The following DYNC2H1 variants were observed in gnomAD, a reference collection of about 807,000 sequenced individuals.
DYNC2H1 encodes the protein dynein cytoplasmic 2 heavy chain 1, also known as cytoplasmic dynein 2 heavy chain 1.
A neutral mutation model predicts 570.0 loss-of-function variants in DYNC2H1; 410 were observed. The ratio of observed to expected loss-of-function variants is 0.72; its 90% CI spans 0.66 to 0.78. The LOEUF (loss-of-function observed/expected upper bound fraction) is 0.78. DYNC2H1 is among the 30% of genes least tolerant of loss of function. DYNC2H1 has a pLI of 0.00. For missense variants in DYNC2H1, 4,865 were observed against 5,046.4 expected, an observed-to-expected ratio of 0.96 and a Z score of 1.09; for synonymous variants, 1,688 against 1,677.6, an observed-to-expected ratio of 1.01 and a Z score of -0.15.
rs373948220 is a variant in DYNC2H1 at position 103,464,942 on chromosome 11, AAT to A, written c.12649-3644_12649-3643del. Among the ~76,000 whole-genome samples the A allele has an allele frequency of 5.5e-4, 84 of 152,314 alleles. 1 individual carries two copies. Among genetic ancestry groups the A allele is most frequent in the African/African-American group, 1.2e-3 (48 of 41,566 alleles). On this transcript the variant is annotated intron_variant, in intron 87 of 88. Coordinates refer to ENST00000375735, the MANE Select transcript of DYNC2H1 (RefSeq NM_001377.3). ...TAAGTAGCTTAAATATTGACTGTAA[AAT>A]ATGTTATGCTTAAGCTGAAAATCTA...
chr11:103,298,214 GT>G lies in DYNC2H1; in HGVS notation c.11096-4871del, dbSNP rs150520776. On this transcript the variant is annotated intron_variant, in intron 75 of 88. Coordinates refer to ENST00000375735, the MANE Select transcript of DYNC2H1 (RefSeq NM_001377.3). Reference sequence around the variant, plus strand: ...TTACCAACGTAATAGTCTTTTTCTTGTTTTTTTTACTGCTCTAAGTATGTTT... The same window carrying G: ...TTACCAACGTAATAGTCTTTTTCTTGTTTTTTTACTGCTCTAAGTATGTTT... 4.0e-5 allele frequency among the ~76,000 whole-genome samples: 6 copies of G among 151,634 alleles called. No homozygotes were observed. In the East Asian group the frequency reaches 1.2e-3, roughly 29 times the overall value.
rs1861523507 is a variant in DYNC2H1 at position 103,170,480 on chromosome 11, T to C, written c.5151+190T>C. 6.6e-6 allele frequency among the ~76,000 whole-genome samples: 1 copy of C among 152,184 alleles called. No individual in the cohort carries two copies. Among genetic ancestry groups the C allele is most frequent in the Non-Finnish European group, 1.5e-5 (1 of 68,014 alleles). ...TAGTCCAAAACTTTTCTAAGAATTATGGCAAAGAAATAATTTTAAATACAG... is the reference window on the plus strand; with the variant it reads ...TAGTCCAAAACTTTTCTAAGAATTACGGCAAAGAAATAATTTTAAATACAG... On this transcript the variant is annotated intron_variant, in intron 33 of 88. Transcript: ENST00000375735. This position sits in a 1 kb window ranked among gnomAD's most constrained non-coding sequence, Gnocchi z 4.8.
chr11:103,192,097 G>T lies in DYNC2H1; in HGVS notation c.7541G>T (p.Gly2514Val). The T allele has an allele frequency of 6.8e-7, 1 of 1,474,936 alleles. No homozygotes were observed. Among genetic ancestry groups the T allele is most frequent in the Non-Finnish European group, 9.1e-7 (1 of 1,101,928 alleles). 91.4% of individuals were successfully genotyped at this position (1,474,936 alleles called of 1,614,324 possible). The change falls in exon 47 of 89, where the codon GGA (glycine) becomes GTA (valine). Residue 2514 changes from glycine to valine, a missense_variant and splice_region_variant. Gly to Val is a moderately radical substitution (Grantham distance 109, BLOSUM62 -3). Around this residue, in one of 5 missense-constraint regions of DYNC2H1, gnomAD observed 2,401 missense variants for 2,454.6 expected, o/e 0.98. Transcript: ENST00000375735. ...TTAAATAAAATTTTGCCTTTTCTAG[G>T]ATCCTCAAACCATCCACTAGATTAT... ...LGLFRYDLEG[G>V]SSNHPLDYVL...
In DYNC2H1 at chr11:103,151,439, G is replaced by T. The variant is rs1193503450; in HGVS notation, c.2947-697G>T. Among the ~76,000 whole-genome samples the T allele has an allele frequency of 6.6e-6, 1 of 152,094 alleles. No individual in the cohort carries two copies. The highest frequency in any genetic ancestry group is 1.5e-5 in the Non-Finnish European group (1 of 68,018). Reference sequence around the variant, plus strand: ...GTCTGTTTTATTATATATGCATACTGATATTTAAAAATGTTTAAATGGATT... The same window carrying T: ...GTCTGTTTTATTATATATGCATACTTATATTTAAAAATGTTTAAATGGATT... On this transcript the variant is annotated intron_variant, in intron 20 of 88. Coordinates refer to ENST00000375735, the MANE Select transcript of DYNC2H1 (RefSeq NM_001377.3). The surrounding 1 kb of genome is among the most constrained non-coding windows in gnomAD (Gnocchi z 4.6).
chr11:103,319,853 A>T lies in DYNC2H1; in HGVS notation c.11726-1176A>T, dbSNP rs1938072443. Among the ~76,000 whole-genome samples, 1 of 152,150 alleles carries T rather than the reference A, an allele frequency of 6.6e-6. No homozygotes were observed. Among genetic ancestry groups the T allele is most frequent in the African/African-American group, 2.4e-5 (1 of 41,440 alleles). ...TTTAGTGAGTATCAGGACAACTAGA[A>T]ATTTGAGTCCTGGTGAAGTCCTTTG... On this transcript the variant is annotated intron_variant, in intron 80 of 88. Transcript: ENST00000375735. The surrounding 1 kb of genome is among the most constrained non-coding windows in gnomAD (Gnocchi z 4.3).
chr11:103,421,154 G>C (rs1040639406), intron 84 of DYNC2H1, among the ~76,000 whole-genome samples: 1 of 151,720 alleles, frequency 6.6e-6, no homozygotes, highest in African/African-American at 2.4e-5. Context: ...AATGGTAAAG[G>C]GCTCAATTCA....
At position 103,147,790 on chromosome 11, in the gene DYNC2H1, T is replaced by C; in HGVS notation, c.2721T>C (p.Cys907=). The C allele has an allele frequency of 1.2e-6, 2 of 1,608,512 alleles. No homozygotes were observed. The highest frequency in any genetic ancestry group is 2.2e-5 in the South Asian group (2 of 89,664). Residue 907 remains cysteine (C), a synonymous_variant, in exon 19 of 89, where the codon TGT becomes TGC. Transcript: ENST00000375735. ...TTTTCAGTGCTGTCAAGGTAGATTGTTTAAATATTAATTGCAACCCTGTGA... is the reference window on the plus strand; with the variant it reads ...TTTTCAGTGCTGTCAAGGTAGATTGCTTAAATATTAATTGCAACCCTGTGA... ...ERLPSAVKVD[C]LNINCNPVKT...
In DYNC2H1 at chr11:103,215,747, T is replaced by C; in HGVS notation, c.8721T>C (p.Ala2907=). ...LQAGVSKLNE[A]KALVDELNRK... is the part of the protein sequence containing the mutation. The stretch of plus-strand genomic sequence containing the variant: ...CTGGTGTATCTAAACTAAATGAAGC[T>C]AAAGCTCTTGTGGATGAACTGAACA... The change falls in exon 55 of 89, where the codon GCT becomes GCC. Residue 2907 remains alanine (A), a synonymous_variant. Transcript: ENST00000375735. 2.5e-6 allele frequency: 4 copies of C among 1,610,648 alleles called. No individual in the cohort carries two copies. The highest frequency in any genetic ancestry group is 3.4e-6 in the Non-Finnish European group (4 of 1,178,230).
chr11:103,168,531 C>T (rs1317351834), intron 31 of DYNC2H1, among the ~76,000 whole-genome samples: 10 of 152,210 alleles, frequency 6.6e-5, no homozygotes, highest in Admixed American at 5.9e-4. Flanking sequence ...ACTCTTTTCT[C>T]TTGGAATTTT....
At position 103,256,121 on chromosome 11, in the gene DYNC2H1, C is replaced by T. The variant is rs1865048329; in HGVS notation, c.10342C>T (p.Gln3448Ter). 1 of 1,604,306 alleles carries T rather than the reference C, an allele frequency of 6.2e-7. No individual in the cohort carries two copies. Among genetic ancestry groups the T allele is most frequent in the Admixed American group, 1.7e-5 (1 of 59,034 alleles). ...TTCCCTACAGACACTTGCCACATCTCAAGGCAATATTTTGGAAAATAAGGA... is the reference window on the plus strand; with the variant it reads ...TTCCCTACAGACACTTGCCACATCTTAAGGCAATATTTTGGAAAATAAGGA... ...ESLLETLATS[Q>*]GNILENKDLI... Residue 3448 changes from glutamine to a stop codon, truncating the protein, a stop_gained, in exon 68 of 89, where the codon CAA becomes TAA. Coordinates refer to ENST00000375735, the MANE Select transcript of DYNC2H1 (RefSeq NM_001377.3). LOFTEE classifies it high-confidence loss of function. The surrounding 1 kb of genome is among the most constrained non-coding windows in gnomAD (Gnocchi z 4.0).
intron 80 of DYNC2H1, among the ~76,000 whole-genome samples, chr11:103,318,770 G>A (rs866304746): frequency 6.6e-6 from 1 of 152,020 alleles, no homozygotes; most frequent in East Asian, 1.9e-4. Flanking sequence ...ACACATAAAT[G>A]TACAATTCAA....
chr11:103,204,982 T>A lies in DYNC2H1; in HGVS notation c.8454+18T>A. The stretch of plus-strand genomic sequence containing the variant: ...TGAAGAAAGTAAGTTTAACAAATAT[T>A]AAAAAATTTAAAAGCACATTTTATT... On this transcript the variant is annotated intron_variant, in intron 52 of 88. Transcript: ENST00000375735. The surrounding 1 kb of genome is among the most constrained non-coding windows in gnomAD (Gnocchi z 4.1). 1.3e-6 allele frequency: 2 copies of A among 1,537,092 alleles called. No homozygotes were observed. The highest frequency in any genetic ancestry group is 1.8e-6 in the Non-Finnish European group (2 of 1,142,642).
chr11:103,115,403 A>C (rs190830113), intron 4 of DYNC2H1, 108 bp downstream of exon 4: 3 of 650,588 alleles, frequency 4.6e-6, no homozygotes, highest in Admixed American at 6.6e-5. Flanking sequence ...GATTGTGAAC[A>C]AAATAGATTC....
intron 83 of DYNC2H1, among the ~76,000 whole-genome samples, chr11:103,388,412 A>G (rs1477816753): frequency 2.6e-5 from 4 of 152,200 alleles, no homozygotes; most frequent in East Asian, 3.9e-4. Flanking sequence ...GGCTGAGACA[A>G]TGAGGTTTTC....
At chr11:103,428,600 GA>G (rs1943767108) in intron 84 of DYNC2H1, among the ~76,000 whole-genome samples, 2 of 152,038 alleles carry the variant, frequency 1.3e-5, no homozygotes, top group Non-Finnish European at 2.9e-5. Context: ...TCTTCATCTT[GA>G]AAAACTGAAA....
rs895110804 is a variant in DYNC2H1 at position 103,177,442 on chromosome 11, C to T, written c.5875-114C>T. 7.5e-5 allele frequency: 78 copies of T among 1,041,840 alleles called. No individual in the cohort carries two copies. Among genetic ancestry groups the T allele is most frequent in the Non-Finnish European group, 1.0e-4 (76 of 742,778 alleles). The allele number at this position is 1,041,840 out of a possible 1,614,324, so 64.5% of individuals were successfully genotyped here. ...ATTACATTTTAGGCAATACCTTCCA[C>T]TGAAGAAATCAAAGGCTTAATTTAC... On this transcript the variant is annotated intron_variant, in intron 37 of 88. Coordinates refer to ENST00000375735, the MANE Select transcript of DYNC2H1 (RefSeq NM_001377.3). The surrounding 1 kb of genome is among the most constrained non-coding windows in gnomAD (Gnocchi z 4.4).
At chr11:103,257,556 A>C (rs924254634) in intron 68 of DYNC2H1, 52 bp from the exon 69 acceptor site, 3 of 1,522,436 alleles carry the variant, frequency 2.0e-6, no homozygotes, top group Non-Finnish European at 2.7e-6. Flanking sequence ...GCAGTAAAGC[A>C]CTAATTCTAA....
At chr11:103,285,085 GAAAA>G (rs1565462623) in intron 73 of DYNC2H1, among the ~76,000 whole-genome samples, 1 of 152,176 alleles carries the variant, frequency 6.6e-6, no homozygotes, top group Non-Finnish European at 1.5e-5. Context: ...ATAGGGTTTA[GAAAA>G]ACATTCTTTG....
At chr11:103,303,397 T>TTAGG in intron 76 of DYNC2H1, 144 bp downstream of exon 76, 1 of 827,132 alleles carries the variant, frequency 1.2e-6, no homozygotes, top group Non-Finnish European at 1.7e-6. Flanking sequence ...GAACTGTGGA[T>TTAGG]ATGTTATTTT....
Sources: gnomAD v4.1 joint callset for allele counts (sites outside exome capture counted in the v4.1 genomes callset) on GRCh38, gnomAD v4.1.1 for gene constraint, gnomAD v4.1.1 regional missense constraint, Gnocchi (gnomAD v3.1) non-coding constraint, MANE v1.5 for transcripts, NCBI Gene and HGNC (gene_info 2026-07-23, HGNC 2026-07-21) for gene names.